Variants in MAOA observed in about 807,000 individuals in gnomAD.
MAOA encodes the protein monoamine oxidase A, also known as amine oxidase [flavin-containing] A.
MAOA carries 6 observed loss-of-function variants against 42.0 expected under a neutral mutation model. The observed-to-expected ratio is 0.14, with a 90% confidence interval of 0.08 to 0.28. The LOEUF (loss-of-function observed/expected upper bound fraction) is 0.28. MAOA is among the 10% of genes least tolerant of loss of function. The pLI is 1.00. For synonymous variants in MAOA, 140 were observed against 154.0 expected (o/e 0.91, Z 0.67); for missense variants, 262 against 422.3 (o/e 0.62, Z 3.33).
At chrX:43,683,173 G>A (rs2033457444) in intron 1 of MAOA, among the ~76,000 whole-genome samples, 1 of 111,902 alleles carries the variant, frequency 8.9e-6, no homozygotes, top group African/African-American at 3.3e-5. Context: ...CAGGATTTCT[G>A]TATGAGGGAA....
intron 12 of MAOA, 89 bp downstream of exon 12, chrX:43,742,136 T>C: frequency 8.6e-7 from 1 of 1,167,127 alleles, no homozygotes; most frequent in East Asian, 3.1e-5. Context: ...TAGAAATAGT[T>C]GTCAAAATCC....
intron 5 of MAOA, among the ~76,000 whole-genome samples, chrX:43,725,784 T>C (rs1238571789): frequency 2.7e-5 from 3 of 112,235 alleles, no homozygotes; most frequent in African/African-American, 9.7e-5. Flanking sequence ...CTTTACAATT[T>C]GGCATGTTTT....
At chrX:43,658,833 G>C (rs897476208) in intron 1 of MAOA, among the ~76,000 whole-genome samples, 4 of 111,700 alleles carry the variant, frequency 3.6e-5, no homozygotes, top group Admixed American at 2.9e-4. Context: ...TTAGATCCTG[G>C]ACATAAACTG....
intron 3 of MAOA, among the ~76,000 whole-genome samples, chrX:43,700,227 A>G (rs1038121736): frequency 1.8e-5 from 2 of 112,214 alleles, no homozygotes; most frequent in African/African-American, 6.5e-5. Context: ...CCCAACTCAG[A>G]GAGCGTAGGA....
intron 6 of MAOA, 82 bp from the exon 7 acceptor site, chrX:43,731,159 A>C: frequency 2.0e-6 from 2 of 989,180 alleles, no homozygotes; most frequent in Non-Finnish European, 2.9e-6. Context: ...GACTTTCTGG[A>C]GGTTTTCTAA....
intron 1 of MAOA, among the ~76,000 whole-genome samples, chrX:43,670,224 T>G (rs2033317851): frequency 8.9e-6 from 1 of 112,098 alleles, no homozygotes; most frequent in African/African-American, 3.2e-5. Flanking sequence ...TAATAAAATG[T>G]GATTTCAAAT....
chrX:43,742,139 C>T, intron 12 of MAOA, 92 bp downstream of exon 12: 2 of 1,156,734 alleles, frequency 1.7e-6, no homozygotes, highest in Non-Finnish European at 2.3e-6. Context: ...AAATAGTTGT[C>T]AAAATCCCCA....
intron 3 of MAOA, among the ~76,000 whole-genome samples, chrX:43,702,899 A>G: frequency 9.0e-6 from 1 of 110,956 alleles, no homozygotes; most frequent in Non-Finnish European, 1.9e-5. Flanking sequence ...TTCAGAGACA[A>G]TGGGAGGAAA....
intron 1 of MAOA, chrX:43,657,771 A>G (rs1383054577): frequency 1.1e-5 from 3 of 261,918 alleles, no homozygotes; most frequent in Non-Finnish European, 1.6e-5. Context: ...ATTTTTATAT[A>G]TAAATCTTTC....
intron 1 of MAOA, among the ~76,000 whole-genome samples, chrX:43,658,174 A>AGG (rs1403265036): frequency 2.7e-5 from 3 of 111,744 alleles, no homozygotes; most frequent in Admixed American, 9.5e-5. Context: ...TACATTGACT[A>AGG]GGGGTTCTGG....
intron 12 of MAOA, among the ~76,000 whole-genome samples, chrX:43,742,568 A>G (rs758370695): frequency 8.9e-6 from 1 of 112,538 alleles, no homozygotes; most frequent in Non-Finnish European, 1.9e-5. Flanking sequence ...GGGAGCCATT[A>G]TCTCTATGCT....
chrX:43,663,664 C>T lies in MAOA; in HGVS notation c.73+7250C>T, dbSNP rs759222213. ...AGATCTGCAGTAAACCTTATTATTG[C>T]TTTACTTTGAACGTTGATGCTCTAA... On this transcript the variant is annotated intron_variant, in intron 1 of 14. Coordinates refer to ENST00000338702, the MANE Select transcript of MAOA (RefSeq NM_000240.4). Among the ~76,000 whole-genome samples, 4 of 112,208 alleles carry T rather than the reference C, an allele frequency of 3.6e-5. No individual in the cohort carries two copies. The South Asian group carries it at 1.5e-3, about 41-fold the overall frequency.
chrX:43,680,635 TAAC>T (rs1031360488), intron 1 of MAOA, among the ~76,000 whole-genome samples: 2 of 111,092 alleles, frequency 1.8e-5, no homozygotes, highest in Non-Finnish European at 3.8e-5. Context: ...AAGAGTCAGA[TAAC>T]ATTTGTCTCA....
Position 43,732,706 on chromosome X carries a change from T to C in MAOA, c.963T>C (p.Cys321=), listed in dbSNP as rs769967831. Reference sequence around the variant, plus strand: ...ATTTTTCTCCTGGTTAAGATTACTGTGGCTGCATGATCATTGAAGATGAAG... The same window carrying C: ...ATTTTTCTCCTGGTTAAGATTACTGCGGCTGCATGATCATTGAAGATGAAG... ...KEAFWKKKDY[C]GCMIIEDEDA... The change falls in exon 9 of 15, where the codon TGT becomes TGC. Residue 321 remains cysteine (C), a synonymous_variant. Coordinates refer to ENST00000338702, the MANE Select transcript of MAOA (RefSeq NM_000240.4). 8 of 1,200,569 alleles carry C rather than the reference T, an allele frequency of 6.7e-6. No homozygotes were observed. The highest frequency in any genetic ancestry group is 2.3e-4 in the Middle Eastern group (1 of 4,359).
At chrX:43,691,873 G>A (rs2033536313) in intron 2 of MAOA, among the ~76,000 whole-genome samples, 1 of 111,130 alleles carries the variant, frequency 9.0e-6, no homozygotes, top group African/African-American at 3.3e-5. Flanking sequence ...TCCTCCAACA[G>A]AAAGATAATA....
At chrX:43,703,944 C>T (rs1434287981) in intron 3 of MAOA, among the ~76,000 whole-genome samples, 3 of 111,264 alleles carry the variant, frequency 2.7e-5, no homozygotes, top group South Asian at 7.5e-4. Flanking sequence ...CAAAACTACT[C>T]GGGAATAAAT....
chrX:43,693,920 A>G (rs928956496), intron 3 of MAOA, among the ~76,000 whole-genome samples: 35 of 111,619 alleles, frequency 3.1e-4, no homozygotes, highest in Admixed American at 1.9e-4. Context: ...CTGGTTATTC[A>G]TCCTCATTCT....
intron 1 of MAOA, among the ~76,000 whole-genome samples, chrX:43,659,123 A>G (rs2033212668): frequency 8.9e-6 from 1 of 111,822 alleles, no homozygotes; most frequent in Admixed American, 9.5e-5. Context: ...ACATTACTCA[A>G]AATTGATCCA....
At chrX:43,673,985 A>C (rs1397101878) in intron 1 of MAOA, among the ~76,000 whole-genome samples, 10 of 112,964 alleles carry the variant, frequency 8.9e-5, no homozygotes, top group Admixed American at 9.3e-5. Flanking sequence ...AGCTGAGTTC[A>C]ATTCCTGGAT....
Sources: allele counts gnomAD v4.1 joint callset (sites outside exome capture counted in the v4.1 genomes callset), GRCh38; gene constraint gnomAD v4.1.1; transcripts MANE v1.5; gene names NCBI Gene and HGNC (gene_info 2026-07-23, HGNC 2026-07-21).